The following FAM186A variants were observed in gnomAD, a reference collection of about 807,000 sequenced individuals.
FAM186A encodes family with sequence similarity 186 member A, also known as protein FAM186A.
A neutral mutation model predicts 216.8 loss-of-function variants in FAM186A; 163 were observed. That is an observed-to-expected ratio of 0.75 (90% confidence interval 0.66 to 0.86). FAM186A has a LOEUF of 0.86. FAM186A is among the 40% of genes least tolerant of loss of function. The probability of loss-of-function intolerance (pLI) is 0.00; values close to 1 mark genes in which losing one functional copy is unlikely to be tolerated. For missense variants in FAM186A, 2,184 were observed against 2,746.2 expected (o/e 0.80, Z 4.58); for synonymous variants, 805 against 1,025.3 (o/e 0.79, Z 4.10).
At chr12:50,360,325 G>A (rs2136096410) in intron 3 of FAM186A, among the ~76,000 whole-genome samples, 1 of 150,696 alleles carries the variant, frequency 6.6e-6, no homozygotes, top group East Asian at 1.9e-4. Context: ...GCACAACTCT[G>A]TAAATACACA....
intron 2 of FAM186A, among the ~76,000 whole-genome samples, chr12:50,361,221 C>T (rs977127082): frequency 6.6e-6 from 1 of 152,098 alleles, no homozygotes; most frequent in African/African-American, 2.4e-5. Flanking sequence ...TGTTTTGAGA[C>T]AGAGTCTTGC....
rs771855076 is a variant in FAM186A, at chr12:50,350,312, T to C, written c.6503+17A>G. The C allele has an allele frequency of 4.7e-6, 7 of 1,496,910 alleles. No individual in the cohort carries two copies. The South Asian group carries it at 5.2e-5, about 11-fold the overall frequency. The allele number at this position is 1,496,910 out of a possible 1,614,324, so 92.7% of individuals were successfully genotyped here. A position where few individuals can be genotyped will look rare whatever the true frequency, so the allele number is the denominator to read the frequency against. On this transcript the variant is annotated intron_variant, in intron 4 of 7. Coordinates refer to ENST00000327337, the MANE Select transcript of FAM186A (RefSeq NM_001145475.3). ...CAGAACTAAACCAGAAAACTAGACG[T>C]AAATAATTATATCTACCTGGCATGC...
intron 1 of FAM186A, among the ~76,000 whole-genome samples, chr12:50,378,332 C>T (rs1027120867): frequency 3.3e-5 from 5 of 151,288 alleles, no homozygotes; most frequent in African/African-American, 1.2e-4. Context: ...AGTTCAAGAC[C>T]AGCCTGGCCA....
intron 1 of FAM186A, among the ~76,000 whole-genome samples, chr12:50,372,826 C>A (rs896760615): frequency 6.7e-6 from 1 of 148,418 alleles, no homozygotes; most frequent in East Asian, 2.0e-4. Flanking sequence ...GCTTGAACCC[C>A]GGAGGCAGAG....
At chr12:50,396,194 A>C in intron 1 of FAM186A, 99 bp downstream of exon 1, 1 of 1,171,610 alleles carries the variant, frequency 8.5e-7, no homozygotes, top group Non-Finnish European at 1.2e-6. Flanking sequence ...ATACAGTCAA[A>C]TATCATGAAA....
chr12:50,353,677 G>A lies in FAM186A; in HGVS notation c.3155C>T (p.Pro1052Leu), dbSNP rs745734718. The part of the protein sequence containing the change: ...EKEPISITPP[P>L]SLQYSLPGAL... ...TCCAGGCAGGGAGTATTGTAGGGAG[G>A]GGGGAGGTGTGATTGATATGGGCTC... Residue 1052 changes from proline (P) to leucine (L), a missense_variant, in exon 4 of 8, where the codon CCC becomes CTC. Coordinates refer to ENST00000327337, the MANE Select transcript of FAM186A (RefSeq NM_001145475.3). 8 of 1,537,026 alleles carry A rather than the reference G, an allele frequency of 5.2e-6. No homozygotes were observed. Among genetic ancestry groups the A allele is most frequent in the African/African-American group, 4.2e-5 (3 of 72,186 alleles).
chr12:50,332,659 G>A (rs1432828696), intron 5 of FAM186A, among the ~76,000 whole-genome samples: 1 of 152,084 alleles, frequency 6.6e-6, no homozygotes, highest in Non-Finnish European at 1.5e-5. Context: ...TTTACTCTAT[G>A]TACATTGGCC....
At chr12:50,390,698 C>A (rs1933430367) in intron 1 of FAM186A, among the ~76,000 whole-genome samples, 1 of 152,154 alleles carries the variant, frequency 6.6e-6, no homozygotes, top group Non-Finnish European at 1.5e-5. Context: ...CTGTTAAGGT[C>A]TGAACTCTAG....
rs202247106 is a variant in FAM186A, at chr12:50,359,574, A to AC, written c.583+1181dup. Among the ~76,000 whole-genome samples the AC allele has an allele frequency of 4.4e-3, 670 of 150,612 alleles. 5 individuals carry two copies. Among genetic ancestry groups the AC allele is most frequent in the African/African-American group, 0.015 (599 of 40,564 alleles). ...CTAGCAATTCGACTCCTAGCTATCT[A>AC]CCCCCCCAAAAAAAATGGGTAAATA... is the stretch of plus-strand genomic sequence containing the variant. On this transcript the variant is annotated intron_variant, in intron 3 of 7. Transcript: ENST00000327337.
chr12:50,338,752 TAG>T (rs1942735363), intron 4 of FAM186A, among the ~76,000 whole-genome samples: 2 of 152,144 alleles, frequency 1.3e-5, no homozygotes, highest in South Asian at 4.1e-4. Flanking sequence ...TACCAATTAT[TAG>T]CTGTGTGATT....
intron 1 of FAM186A, among the ~76,000 whole-genome samples, chr12:50,367,949 C>G (rs1436956410): frequency 3.3e-5 from 5 of 151,918 alleles, no homozygotes; most frequent in Non-Finnish European, 7.4e-5. Flanking sequence ...AGTTCAAGAC[C>G]AGCCTGGCCA....
Position 50,352,913 on chromosome 12 carries a change from G to A in FAM186A, c.3919C>T (p.Gln1307Ter), listed in dbSNP as rs375872020. ...QTLGIPLTPK[Q>*]AQALGIPFTP... is the part of the protein sequence containing the mutation. ...AAAGGGATCCCCAGAGCCTGTGCCT[G>A]CTTAGGGGTGAGAGGGATCCCCAGG... Residue 1307 changes from glutamine (Q) to a stop codon, truncating the protein, a stop_gained, in exon 4 of 8, where the codon CAG (glutamine) becomes TAG (stop). Transcript: ENST00000327337. LOFTEE classifies it high-confidence loss of function. 1 of 1,535,832 alleles carries A rather than the reference G, an allele frequency of 6.5e-7. No homozygotes were observed.
At position 50,353,432 on chromosome 12, in the gene FAM186A, G is replaced by A. The variant is rs1429662880; in HGVS notation, c.3400C>T (p.Pro1134Ser). 6 of 1,511,200 alleles carry A rather than the reference G, an allele frequency of 4.0e-6. No individual in the cohort carries two copies. The highest frequency in any genetic ancestry group is 4.4e-6 in the Non-Finnish European group (5 of 1,130,022). The allele number at this position is 1,511,200 out of a possible 1,614,324, so 93.6% of individuals were successfully genotyped here. The change falls in exon 4 of 8, where the codon CCT becomes TCT. Residue 1134 changes from proline (P) to serine (S), a missense_variant. Coordinates refer to ENST00000327337, the MANE Select transcript of FAM186A (RefSeq NM_001145475.3). Reference protein sequence around the residue: ...TPQQAQALGIPLTPQQTQVQG... With the variant: ...TPQQAQALGISLTPQQTQVQG... ...ACCTGGGTCTGCTGAGGGGTGAGAG[G>A]GATCCCCAGGGCCTGCGCCTGCTGA...
chr12:50,367,190 A>G (rs779747351), intron 1 of FAM186A, among the ~76,000 whole-genome samples: 1 of 152,068 alleles, frequency 6.6e-6, no homozygotes, highest in Non-Finnish European at 1.5e-5. Flanking sequence ...CATCTATCTA[A>G]CCTGGTATTG....
At chr12:50,378,556 TTG>T (rs1213962439) in intron 1 of FAM186A, among the ~76,000 whole-genome samples, 2 of 33,408 alleles carry the variant, frequency 6.0e-5, no homozygotes, top group Admixed American at 4.8e-4. Context: ...TATATGTAAA[TTG>T]TATATATATA....
chr12:50,367,645 A>C (rs548360654), intron 1 of FAM186A, among the ~76,000 whole-genome samples: 67 of 152,090 alleles, frequency 4.4e-4, no homozygotes, highest in African/African-American at 1.6e-3. Context: ...AAAACTCTAT[A>C]TATGTAGAAA....
At chr12:50,385,653 C>A (rs533998359) in intron 1 of FAM186A, among the ~76,000 whole-genome samples, 6 of 152,192 alleles carry the variant, frequency 3.9e-5, no homozygotes, top group Non-Finnish European at 8.8e-5. Flanking sequence ...GTAACCCCAG[C>A]ACTTTGGGAG....
chr12:50,388,508 ACTT>A (rs1338253705), intron 1 of FAM186A, among the ~76,000 whole-genome samples: 1 of 151,920 alleles, frequency 6.6e-6, no homozygotes, highest in East Asian at 1.9e-4. Flanking sequence ...AATTCCAGCT[ACTT>A]AGGAGGCTGA....
intron 4 of FAM186A, among the ~76,000 whole-genome samples, chr12:50,341,928 T>G (rs1942766758): frequency 6.6e-6 from 1 of 152,132 alleles, no homozygotes; most frequent in South Asian, 2.1e-4. Context: ...CTGCCAAACC[T>G]TAAAAGAACA....
Sources: gnomAD v4.1 joint callset for allele counts (sites outside exome capture counted in the v4.1 genomes callset) on GRCh38, gnomAD v4.1.1 for gene constraint, MANE v1.5 for transcripts, NCBI Gene and HGNC (gene_info 2026-07-23, HGNC 2026-07-21) for gene names.